The following AGTR2 variants were observed in gnomAD, a reference collection of about 807,000 sequenced individuals.
AGTR2 encodes the protein type-2 angiotensin II receptor.
AGTR2 carries 15 observed loss-of-function variants against 14.2 expected under a neutral mutation model. The observed-to-expected ratio is 1.05, with a 90% CI of 0.70 to 1.62. AGTR2 has a LOEUF of 1.62. AGTR2 is among the 40% of genes most tolerant of loss of function. The probability of loss-of-function intolerance (pLI) is 0.00; values close to 1 mark genes in which losing one functional copy is unlikely to be tolerated. For synonymous variants in AGTR2, 101 were observed against 98.5 expected, an observed-to-expected ratio of 1.03 and a Z score of -0.15; for missense variants, 274 against 273.1, an observed-to-expected ratio of 1.00 and a Z score of -0.02.
intron 2 of AGTR2, among the ~76,000 whole-genome samples, chrX:116,171,916 T>C: frequency 8.9e-6 from 1 of 111,845 alleles, no homozygotes; most frequent in East Asian, 2.8e-4. Context: ...GGTTTCTTAT[T>C]TGTTTCACAC....
chrX:116,171,686 A>G (rs782766390), intron 2 of AGTR2, among the ~76,000 whole-genome samples: 96 of 110,981 alleles, frequency 8.7e-4, no homozygotes, highest in Non-Finnish European at 1.2e-3. Flanking sequence ...CCATCACAAT[A>G]TGTTCCTTTG....
At position 116,172,480 on chromosome X, in the gene AGTR2, C is replaced by T. The variant is rs1922485490; in HGVS notation, c.200C>T (p.Thr67Ile). ...IGFLVNIVVV[T>I]LFCCQKGPKK... The stretch of plus-strand genomic sequence containing the variant: ...TTTCTGGTCAATATTGTCGTGGTTA[C>T]ACTGTTTTGTTGTCAAAAGGGTCCT... Residue 67 changes from threonine to isoleucine, a missense_variant, in exon 3 of 3, where the codon ACA becomes ATA. Physicochemically the swap from Thr to Ile is moderately conservative, Grantham distance 89. Coordinates refer to ENST00000371906, the MANE Select transcript of AGTR2 (RefSeq NM_000686.5). 1.7e-6 allele frequency: 2 copies of T among 1,209,169 alleles called. No homozygotes were observed. The highest frequency in any genetic ancestry group is 1.8e-5 in the South Asian group (1 of 56,811).
Position 116,174,537 on chromosome X carries a change from G to A in AGTR2, c.*1165G>A, listed in dbSNP as rs183430086. 8.2e-6 allele frequency: 1 copy of A among 122,603 alleles called. No individual in the cohort carries two copies. Among genetic ancestry groups the A allele is most frequent in the Admixed American group, 9.6e-5 (1 of 10,415 alleles). The allele number at this position is 122,603 out of a possible 1,213,427, so 10.1% of individuals were successfully genotyped here. A position where few individuals can be genotyped will look rare whatever the true frequency, so the allele number is the denominator to read the frequency against. ...TGTTCCAGAATCTGTATGATTCTAT[G>A]GAGCTATTTTAAACCAATTGCAGGT... On this transcript the variant is annotated 3_prime_UTR_variant, in exon 3 of 3. Transcript: ENST00000371906.
rs1336304598 is a variant in AGTR2, at chrX:116,174,738, T to A, written c.*1366T>A. ...ATCTAGGACCTTCCTCTGAGGTAGG[T>A]CTAAATACTGATCTCTGAGGCGGAA... On this transcript the variant is annotated 3_prime_UTR_variant, in exon 3 of 3. Transcript: ENST00000371906. The A allele has an allele frequency of 4.1e-5, 5 of 122,399 alleles. No homozygotes were observed. Among genetic ancestry groups the A allele is most frequent in the African/African-American group, 1.6e-4 (5 of 30,590 alleles). 10.1% of individuals were successfully genotyped at this position (122,399 alleles called of 1,213,427 possible).
rs1275713178 is a variant in AGTR2, at chrX:116,173,785, G to C, written c.*413G>C. 1 of 178,250 alleles carries C rather than the reference G, an allele frequency of 5.6e-6. No homozygotes were observed. The highest frequency in any genetic ancestry group is 1.1e-5 in the Non-Finnish European group (1 of 89,175). 14.7% of individuals were successfully genotyped at this position (178,250 alleles called of 1,213,427 possible). On this transcript the variant is annotated 3_prime_UTR_variant, in exon 3 of 3. Coordinates refer to ENST00000371906, the MANE Select transcript of AGTR2 (RefSeq NM_000686.5). Reference sequence around the variant, plus strand: ...ATTGCATCATTTACAAGACAACATTGTAAGAGAGATGAGCACTTCTAAGTT... The same window carrying C: ...ATTGCATCATTTACAAGACAACATTCTAAGAGAGATGAGCACTTCTAAGTT...
At position 116,170,783 on chromosome X, in the gene AGTR2, G is replaced by C. The variant is rs782304177; in HGVS notation, c.-129G>C. 7 of 111,791 alleles carry C rather than the reference G, an allele frequency of 6.3e-5. No individual in the cohort carries two copies. Among genetic ancestry groups the C allele is most frequent in the Non-Finnish European group, 1.1e-4 (6 of 53,115 alleles). The allele number at this position is 111,791 out of a possible 1,213,427, so 9.2% of individuals were successfully genotyped here. A position where few individuals can be genotyped will look rare whatever the true frequency, so the allele number is the denominator to read the frequency against. The stretch of plus-strand genomic sequence containing the variant: ...GCGTCTGAGAGAACGAGTAAGCACA[G>C]AATTCAAAGCATTCTGCAGCCTGAA... On this transcript the variant is annotated 5_prime_UTR_variant, in exon 1 of 3. Transcript: ENST00000371906.
chrX:116,174,827 A>G lies in AGTR2; in HGVS notation c.*1455A>G, dbSNP rs1556674012. On this transcript the variant is annotated 3_prime_UTR_variant, in exon 3 of 3. Transcript: ENST00000371906. ...GGATTATAGACAGAAGAGTCCTGTC[A>G]TACCACTTTCTGGAAAAGTCCTAAT... 8.2e-6 allele frequency: 1 copy of G among 122,508 alleles called. No homozygotes were observed. The highest frequency in any genetic ancestry group is 1.9e-5 in the Non-Finnish European group (1 of 53,070). The allele number at this position is 122,508 out of a possible 1,213,427, so 10.1% of individuals were successfully genotyped here.
Position 116,173,393 on chromosome X carries a change from T to A in AGTR2, c.*21T>A, listed in dbSNP as rs1556673881. On this transcript the variant is annotated 3_prime_UTR_variant, in exon 3 of 3. Transcript: ENST00000371906. ...CTTAAACGTGAGAGCAAAATGCATG[T>A]AATCAACATGGCTACTTGCTTTGAG... 8.3e-7 allele frequency: 1 copy of A among 1,210,064 alleles called. No individual in the cohort carries two copies. The highest frequency in any genetic ancestry group is 1.8e-5 in the South Asian group (1 of 56,932).
chrX:116,171,141 T>C (rs1312454877), intron 2 of AGTR2, 114 bp downstream of exon 2: 2 of 111,481 alleles, frequency 1.8e-5, no homozygotes, highest in African/African-American at 6.5e-5. Context: ...GTTCTTTAGA[T>C]ATTACACTTT....
In AGTR2 at chrX:116,173,483, A is replaced by G. The variant is rs1026775307; in HGVS notation, c.*111A>G. ...TAAAATTTCCCCTAATCTTTTCTGA[A>G]TCTTCTGAAACCAAATGTAACTATG... On this transcript the variant is annotated 3_prime_UTR_variant, in exon 3 of 3. Coordinates refer to ENST00000371906, the MANE Select transcript of AGTR2 (RefSeq NM_000686.5). 5 of 997,171 alleles carry G rather than the reference A, an allele frequency of 5.0e-6. No individual in the cohort carries two copies. Among genetic ancestry groups the G allele is most frequent in the Non-Finnish European group, 6.9e-6 (5 of 728,889 alleles). The allele number at this position is 997,171 out of a possible 1,213,427, so 82.2% of individuals were successfully genotyped here.
rs1218292000 is a variant in AGTR2 at position 116,174,715 on chromosome X, C to A, written c.*1343C>A. 1 of 122,223 alleles carries A rather than the reference C, an allele frequency of 8.2e-6. No individual in the cohort carries two copies. Among genetic ancestry groups the A allele is most frequent in the Non-Finnish European group, 1.9e-5 (1 of 52,985 alleles). 10.1% of individuals were successfully genotyped at this position (122,223 alleles called of 1,213,427 possible). On this transcript the variant is annotated 3_prime_UTR_variant, in exon 3 of 3. Transcript: ENST00000371906. Reference sequence around the variant, plus strand: ...CCAGCCCTGTATAATAACAGGTTATCTAGGACCTTCCTCTGAGGTAGGTCT... The same window carrying A: ...CCAGCCCTGTATAATAACAGGTTATATAGGACCTTCCTCTGAGGTAGGTCT...
chrX:116,172,491 T>A lies in AGTR2; in HGVS notation c.211T>A (p.Cys71Ser), dbSNP rs140949483. The A allele has an allele frequency of 2.7e-4, 329 of 1,209,625 alleles. No homozygotes were observed. Among genetic ancestry groups the A allele is most frequent in the Non-Finnish European group, 3.3e-4 (291 of 894,990 alleles). ...TATTGTCGTGGTTACACTGTTTTGT[T>A]GTCAAAAGGGTCCTAAAAAGGTTTC... ...VNIVVVTLFC[C>S]QKGPKKVSSI... Residue 71 changes from cysteine (C) to serine (S), a missense_variant, in exon 3 of 3, where the codon TGT (cysteine) becomes AGT (serine). Coordinates refer to ENST00000371906, the MANE Select transcript of AGTR2 (RefSeq NM_000686.5).
At position 116,174,677 on chromosome X, in the gene AGTR2, A is replaced by C. The variant is rs1922576451; in HGVS notation, c.*1305A>C. ...TGAATATTAATTTTAGAAATTTGAG[A>C]CTTTATTCTGTACCAGCCCTGTATA... is the stretch of plus-strand genomic sequence containing the variant. On this transcript the variant is annotated 3_prime_UTR_variant, in exon 3 of 3. Coordinates refer to ENST00000371906, the MANE Select transcript of AGTR2 (RefSeq NM_000686.5). 1 of 121,992 alleles carries C rather than the reference A, an allele frequency of 8.2e-6. No homozygotes were observed. The highest frequency in any genetic ancestry group is 3.3e-5 in the African/African-American group (1 of 30,492). 10.1% of individuals were successfully genotyped at this position (121,992 alleles called of 1,213,427 possible).
At position 116,173,953 on chromosome X, in the gene AGTR2, G is replaced by C. The variant is rs17231436; in HGVS notation, c.*581G>C. On this transcript the variant is annotated 3_prime_UTR_variant, in exon 3 of 3. Coordinates refer to ENST00000371906, the MANE Select transcript of AGTR2 (RefSeq NM_000686.5). ...TATAACTACATATTGAATAGGGCTAGGAATATAGATTAAATCATACTCCTA... is the reference window on the plus strand; with the variant it reads ...TATAACTACATATTGAATAGGGCTACGAATATAGATTAAATCATACTCCTA... 0.01 allele frequency: 1,269 copies of C among 124,380 alleles called. 14 individuals carry two copies. The highest frequency in any genetic ancestry group is 0.039 in the African/African-American group (1,201 of 30,884). The allele number at this position is 124,380 out of a possible 1,213,427, so 10.3% of individuals were successfully genotyped here.
intron 2 of AGTR2, among the ~76,000 whole-genome samples, chrX:116,171,876 T>A (rs1446145654): frequency 9.0e-6 from 1 of 111,706 alleles, no homozygotes; most frequent in African/African-American, 3.2e-5. Flanking sequence ...GCTCAAGTGT[T>A]TTTTGAAAGA....
In AGTR2 at chrX:116,172,767, A is replaced by G. The variant is rs1186261161; in HGVS notation, c.487A>G (p.Ile163Val). 2 of 1,209,050 alleles carry G rather than the reference A, an allele frequency of 1.7e-6. No individual in the cohort carries two copies. The highest frequency in any genetic ancestry group is 3.5e-5 in the African/African-American group (2 of 56,960). The change falls in exon 3 of 3, where the codon ATA becomes GTA. Residue 163 changes from isoleucine to valine, a missense_variant. Ile to Val is a conservative substitution (Grantham distance 29). Transcript: ENST00000371906. ...QRRNPWQASY[I>V]VPLVWCMACL... The stretch of plus-strand genomic sequence containing the variant: ...AAGAAATCCCTGGCAAGCATCTTAT[A>G]TAGTTCCCCTTGTTTGGTGTATGGC...
rs1556673699 is a variant in AGTR2, at chrX:116,172,515, T to C, written c.235T>C (p.Ser79Pro). The change falls in exon 3 of 3, where the codon TCT (serine) becomes CCT (proline). Residue 79 changes from serine (S) to proline (P), a missense_variant. Transcript: ENST00000371906. The part of the protein sequence containing the change: ...FCCQKGPKKV[S>P]SIYIFNLAVA... ...TTGTCAAAAGGGTCCTAAAAAGGTT[T>C]CTAGCATATACATCTTCAACCTCGC... 9 of 1,211,675 alleles carry C rather than the reference T, an allele frequency of 7.4e-6. No individual in the cohort carries two copies. Among genetic ancestry groups the C allele is most frequent in the Non-Finnish European group, 1.0e-5 (9 of 895,431 alleles).
rs782441186 is a variant in AGTR2, at chrX:116,173,415, T to G, written c.*43T>G. 1.7e-6 allele frequency: 2 copies of G among 1,201,602 alleles called. No homozygotes were observed. The highest frequency in any genetic ancestry group is 2.3e-6 in the Non-Finnish European group (2 of 887,667). ...ATGTAATCAACATGGCTACTTGCTT[T>G]GAGGCTCACCAGAATTATTTTTAAG... is the stretch of plus-strand genomic sequence containing the variant. On this transcript the variant is annotated 3_prime_UTR_variant, in exon 3 of 3. Transcript: ENST00000371906.
Position 116,173,503 on chromosome X carries a change from A to G in AGTR2, c.*131A>G. 1.1e-6 allele frequency: 1 copy of G among 885,657 alleles called. No individual in the cohort carries two copies. Among genetic ancestry groups the G allele is most frequent in the Non-Finnish European group, 1.6e-6 (1 of 636,882 alleles). 73.0% of individuals were successfully genotyped at this position (885,657 alleles called of 1,213,427 possible). ...TCTGAATCTTCTGAAACCAAATGTA[A>G]CTATGTTTTATCGTCCAGTGACTTT... On this transcript the variant is annotated 3_prime_UTR_variant, in exon 3 of 3. Coordinates refer to ENST00000371906, the MANE Select transcript of AGTR2 (RefSeq NM_000686.5).
Sources: gnomAD v4.1 joint callset for allele counts (sites outside exome capture counted in the v4.1 genomes callset) on GRCh38, gnomAD v4.1.1 for gene constraint, MANE v1.5 for transcripts, NCBI Gene and HGNC (gene_info 2026-07-23, HGNC 2026-07-21) for gene names.